Variants in MZT1 observed in about 807,000 individuals in gnomAD.
MZT1 encodes the protein mitotic spindle organizing protein 1.
A neutral mutation model predicts 8.5 loss-of-function variants in MZT1; 8 were observed. The observed-to-expected ratio is 0.94, with a 90% CI of 0.55 to 1.70. The LOEUF is 1.70. Ranked by LOEUF, MZT1 falls within the 40% of genes most tolerant of loss-of-function variation. The pLI is 0.00. For missense variants in MZT1, 93 were observed against 108.6 expected, an observed-to-expected ratio of 0.86 and a Z score of 0.64; for synonymous variants, 38 against 42.0, an observed-to-expected ratio of 0.90 and a Z score of 0.37.
intron 2 of MZT1, among the ~76,000 whole-genome samples, chr13:72,711,875 C>T (rs2138005881): frequency 6.6e-6 from 1 of 152,246 alleles, no homozygotes; most frequent in Non-Finnish European, 1.5e-5. Flanking sequence ...TAAGAGAGAA[C>T]AAGACTTTAA....
In MZT1 at chr13:72,723,587, T is replaced by G. The variant is rs1415149961; in HGVS notation, c.79+3937A>C. Among the ~76,000 whole-genome samples the G allele has an allele frequency of 2.0e-5, 3 of 152,314 alleles. No individual in the cohort carries two copies. In the South Asian group the frequency reaches 6.2e-4, roughly 32 times the overall value. ...GTATATATAAAACATACAAGAATTC[T>G]GTGTTTGGACTTGGGTCCCATCCCC... On this transcript the variant is annotated intron_variant, in intron 1 of 2. Coordinates refer to ENST00000377818, the MANE Select transcript of MZT1 (RefSeq NM_001071775.3).
At chr13:72,710,918 T>A (rs1487568643) in intron 2 of MZT1, among the ~76,000 whole-genome samples, 1 of 152,176 alleles carries the variant, frequency 6.6e-6, no homozygotes, top group Non-Finnish European at 1.5e-5. Context: ...CCTAAAAAAT[T>A]TCTTAACATC....
At chr13:72,717,744 C>T (rs866514981) in intron 2 of MZT1, among the ~76,000 whole-genome samples, 1 of 152,316 alleles carries the variant, frequency 6.6e-6, no homozygotes, top group African/African-American at 2.4e-5. Flanking sequence ...ATTTACATTT[C>T]TAGCAACATT....
intron 2 of MZT1, among the ~76,000 whole-genome samples, chr13:72,711,805 C>T (rs942334194): frequency 5.3e-5 from 8 of 152,088 alleles, no homozygotes; most frequent in Non-Finnish European, 1.2e-4. Context: ...CAAGGAAAGG[C>T]AGGTGTGGCT....
chr13:72,724,401 T>C (rs1593799295), intron 1 of MZT1, among the ~76,000 whole-genome samples: 1 of 151,932 alleles, frequency 6.6e-6, no homozygotes, highest in African/African-American at 2.4e-5. Flanking sequence ...AAAGCAAGAC[T>C]GACTTCTAGA....
intron 1 of MZT1, among the ~76,000 whole-genome samples, chr13:72,721,043 C>T (rs556678336): frequency 7.2e-5 from 11 of 152,130 alleles, no homozygotes; most frequent in Admixed American, 6.5e-5. Context: ...GGGGGGTGTT[C>T]GTTACAATTG....
rs1169061716 is a variant in MZT1, at chr13:72,727,577, G to C, written c.26C>G (p.Ala9Gly). Residue 9 changes from alanine (A) to glycine (G), a missense_variant, in exon 1 of 3, where the codon GCG (alanine) becomes GGG (glycine). By Grantham distance (60) the Ala-to-Gly change is moderately conservative. Coordinates refer to ENST00000377818, the MANE Select transcript of MZT1 (RefSeq NM_001071775.3). MASSSGAGAAAAAAAANLN... is the reference protein window; with the variant it reads MASSSGAGGAAAAAAANLN... ...ATTCGCCGCCGCGGCCGCCGCCGCC[G>C]CCCCAGCACCGCTGCTACTCGCCAT... is the stretch of plus-strand genomic sequence containing the variant. The C allele has an allele frequency of 6.3e-7, 1 of 1,594,332 alleles. No individual in the cohort carries two copies. The highest frequency in any genetic ancestry group is 1.7e-5 in the Admixed American group (1 of 59,152).
chr13:72,727,300 G>A (rs1381919286), intron 1 of MZT1, among the ~76,000 whole-genome samples: 1 of 152,232 alleles, frequency 6.6e-6, no homozygotes, highest in Admixed American at 6.5e-5. Flanking sequence ...CGGCTGACTA[G>A]GGGCCGCAAC....
chr13:72,725,597 C>T (rs1386403321), intron 1 of MZT1, among the ~76,000 whole-genome samples: 1 of 151,788 alleles, frequency 6.6e-6, no homozygotes, highest in African/African-American at 2.4e-5. Flanking sequence ...CACCACATCC[C>T]CTCTCCTTCA....
intron 1 of MZT1, among the ~76,000 whole-genome samples, chr13:72,727,212 G>A (rs1158774668): frequency 6.6e-6 from 1 of 152,202 alleles, no homozygotes; most frequent in South Asian, 2.1e-4. Context: ...CACCGCAGGA[G>A]ATCGGGCGGG....
intron 2 of MZT1, among the ~76,000 whole-genome samples, chr13:72,718,002 T>C (rs1566213153): frequency 6.6e-6 from 1 of 152,228 alleles, no homozygotes; most frequent in Non-Finnish European, 1.5e-5. Context: ...AGTACCAAAA[T>C]CTGTATCAGA....
chr13:72,711,339 G>A (rs1323281795), intron 2 of MZT1, among the ~76,000 whole-genome samples: 1 of 152,018 alleles, frequency 6.6e-6, no homozygotes, highest in Non-Finnish European at 1.5e-5. Flanking sequence ...TGTATAAAGT[G>A]GCCTATTTAT....
In MZT1 at chr13:72,721,515, A is replaced by T. The variant is rs995877166; in HGVS notation, c.80-2418T>A. 1.1e-4 allele frequency among the ~76,000 whole-genome samples: 17 copies of T among 152,322 alleles called. No homozygotes were observed. In the East Asian group the frequency reaches 3.3e-3, roughly 29 times the overall value. The stretch of plus-strand genomic sequence containing the variant: ...AAGGGGGACACTTCTACAGATCTCC[A>T]GCATTCTTTCTGTGCAGTTCTCCCC... On this transcript the variant is annotated intron_variant, in intron 1 of 2. Transcript: ENST00000377818.
rs2032453177 is a variant in MZT1, at chr13:72,708,504, A to G, written c.*1818T>C. The G allele has an allele frequency of 6.6e-6, 1 of 152,588 alleles. No homozygotes were observed. The highest frequency in any genetic ancestry group is 6.6e-5 in the Admixed American group (1 of 15,262). 9.5% of individuals were successfully genotyped at this position (152,588 alleles called of 1,614,324 possible). Reference sequence around the variant, plus strand: ...TACATTTTAAAAATGTGACACTTTAAAGAAGTCCTCTGTAAACACGATCCC... The same window carrying G: ...TACATTTTAAAAATGTGACACTTTAGAGAAGTCCTCTGTAAACACGATCCC... On this transcript the variant is annotated 3_prime_UTR_variant, in exon 3 of 3. Transcript: ENST00000377818.
chr13:72,718,606 T>A (rs921561297), intron 2 of MZT1, among the ~76,000 whole-genome samples: 1 of 151,988 alleles, frequency 6.6e-6, no homozygotes, highest in African/African-American at 2.4e-5. Context: ...GCCTCCCAAG[T>A]AGCTGGGACT....
rs767396491 is a variant in MZT1 at position 72,727,598 on chromosome 13, G to C, written c.5C>G (p.Ala2Gly). ...CGCCGCCCCAGCACCGCTGCTACTC[G>C]CCATGGCTAAGGCCGAGGGAGGCGG... M[A>G]SSSGAGAAAA... Residue 2 changes from alanine (A) to glycine (G), a missense_variant, in exon 1 of 3, where the codon GCG becomes GGG. Transcript: ENST00000377818. The C allele has an allele frequency of 5.3e-5, 84 of 1,598,938 alleles. No homozygotes were observed. In the East Asian group the frequency reaches 1.5e-3, roughly 29 times the overall value.
intron 1 of MZT1, among the ~76,000 whole-genome samples, chr13:72,724,010 A>C (rs1593799181): frequency 6.6e-6 from 1 of 152,162 alleles, no homozygotes; most frequent in Admixed American, 6.5e-5. Context: ...AGGCAGGAGG[A>C]AGGGTGATGG....
In MZT1 at chr13:72,710,127, G is replaced by A; in HGVS notation, c.*195C>T. 1 of 586,044 alleles carries A rather than the reference G, an allele frequency of 1.7e-6. No individual in the cohort carries two copies. Among genetic ancestry groups the A allele is most frequent in the East Asian group, 2.9e-5 (1 of 34,500 alleles). 36.3% of individuals were successfully genotyped at this position (586,044 alleles called of 1,614,324 possible). ...TTAAAAAAAGTGAATAAGATGTGAT[G>A]TAAACACATCTGATAGTTCTCTCTG... On this transcript the variant is annotated 3_prime_UTR_variant, in exon 3 of 3. Coordinates refer to ENST00000377818, the MANE Select transcript of MZT1 (RefSeq NM_001071775.3).
At chr13:72,713,002 T>A (rs1426504689) in intron 2 of MZT1, among the ~76,000 whole-genome samples, 3 of 152,212 alleles carry the variant, frequency 2.0e-5, no homozygotes, top group Non-Finnish European at 4.4e-5. Flanking sequence ...TAATATTAAG[T>A]CAGGGAATGT....
Sources: allele counts gnomAD v4.1 joint callset (sites outside exome capture counted in the v4.1 genomes callset), GRCh38; gene constraint gnomAD v4.1.1; transcripts MANE v1.5; gene names NCBI Gene and HGNC (gene_info 2026-07-23, HGNC 2026-07-21).